The following ITGA9 variants were observed in gnomAD, a reference collection of about 807,000 sequenced individuals.
ITGA9 encodes integrin subunit alpha 9, also known as integrin alpha-9.
Under a neutral mutation model 127.8 loss-of-function variants are expected in ITGA9, and 56 were observed. The ratio of observed to expected loss-of-function variants is 0.44; its 90% CI spans 0.35 to 0.55. The LOEUF is 0.55. Among genes scored for constraint, ITGA9 ranks in the 20% least tolerant of loss-of-function variants. The pLI is 0.00. For synonymous variants in ITGA9, 508 were observed against 514.5 expected (o/e 0.99, Z 0.17); for missense variants, 1,196 against 1,347.1 (o/e 0.89, Z 1.76).
intron 16 of ITGA9, among the ~76,000 whole-genome samples, chr3:37,630,027 A>G (rs558283593): frequency 6.6e-6 from 1 of 152,194 alleles, no homozygotes; most frequent in Non-Finnish European, 1.5e-5. Flanking sequence ...ACCCAAGATC[A>G]CCACAGATTC....
At chr3:37,810,178 C>G (rs1697349562) in intron 27 of ITGA9, among the ~76,000 whole-genome samples, 1 of 152,174 alleles carries the variant, frequency 6.6e-6, no homozygotes, top group South Asian at 2.1e-4. Flanking sequence ...AGGTCCGGAG[C>G]CAAAAGTGGT....
intron 18 of ITGA9, 62 bp from the exon 19 acceptor site, chr3:37,732,650 G>A: frequency 7.8e-7 from 1 of 1,280,824 alleles, no homozygotes; most frequent in South Asian, 1.3e-5. Context: ...GCCCCGTGGA[G>A]CCTGCTCCCA....
chr3:37,693,231 AG>A (rs1273519074), intron 18 of ITGA9, among the ~76,000 whole-genome samples: 4 of 152,196 alleles, frequency 2.6e-5, no homozygotes, highest in African/African-American at 9.7e-5. Context: ...ATAGATGGAT[AG>A]GCCCTAGGTC....
At chr3:37,715,444 C>T (rs1319785786) in intron 18 of ITGA9, among the ~76,000 whole-genome samples, 1 of 152,160 alleles carries the variant, frequency 6.6e-6, no homozygotes, top group Admixed American at 6.5e-5. Context: ...AGTTCCATCC[C>T]CTAGGAATCT....
intron 1 of ITGA9, among the ~76,000 whole-genome samples, chr3:37,461,685 G>A (rs1009012162): frequency 2.0e-5 from 3 of 152,110 alleles, no homozygotes; most frequent in Non-Finnish European, 2.9e-5. Context: ...ATTATGTGTG[G>A]CCTCTAACAT....
rs141899868 is a variant in ITGA9 at position 37,625,625 on chromosome 3, A to T, written c.1690-3562A>T. On this transcript the variant is annotated intron_variant, in intron 15 of 27. Coordinates refer to ENST00000264741, the MANE Select transcript of ITGA9 (RefSeq NM_002207.3). ...TGTAGCGTTATTTTTTTTAAGCAGT[A>T]AAATTTCAGCGACTATGGTCTGTGC... Among the ~76,000 whole-genome samples, 741 of 152,318 alleles carry T rather than the reference A, an allele frequency of 4.9e-3. 2 individuals are homozygous for T. Among genetic ancestry groups the T allele is most frequent in the Admixed American group, 8.4e-3 (129 of 15,308 alleles).
At chr3:37,568,304 G>A (rs61349398) in intron 15 of ITGA9, among the ~76,000 whole-genome samples, 60 of 152,336 alleles carry the variant, frequency 3.9e-4, no homozygotes, top group African/African-American at 1.3e-3. Context: ...AGAGCAGGGG[G>A]ACCCCAGGCC....
At chr3:37,537,172 G>A (rs1699216163) in intron 14 of ITGA9, among the ~76,000 whole-genome samples, 1 of 152,226 alleles carries the variant, frequency 6.6e-6, no homozygotes, top group South Asian at 2.1e-4. Flanking sequence ...GAGGGGGCTG[G>A]TGCTGCTGAT....
chr3:37,510,438 A>G (rs987361688), intron 8 of ITGA9, among the ~76,000 whole-genome samples: 4 of 151,946 alleles, frequency 2.6e-5, no homozygotes, highest in African/African-American at 7.3e-5. Flanking sequence ...GTTAATTCCT[A>G]TTGCCTTCGA....
chr3:37,769,818 A>G (rs573267484), intron 23 of ITGA9, among the ~76,000 whole-genome samples: 15 of 152,298 alleles, frequency 9.8e-5, no homozygotes, highest in Admixed American at 2.6e-4. Flanking sequence ...AAATTTGTAG[A>G]CAAGATTTAT....
intron 23 of ITGA9, among the ~76,000 whole-genome samples, chr3:37,773,525 C>G (rs751086006): frequency 2.6e-5 from 4 of 152,162 alleles, no homozygotes; most frequent in Non-Finnish European, 2.9e-5. Context: ...ACTATATATG[C>G]CTAAATATAG....
At chr3:37,731,821 A>G (rs1051454170) in intron 18 of ITGA9, among the ~76,000 whole-genome samples, 1 of 152,180 alleles carries the variant, frequency 6.6e-6, no homozygotes, top group East Asian at 1.9e-4. Flanking sequence ...GGATAATTTA[A>G]GTAGATATAT....
chr3:37,510,749 A>G (rs1321502461), intron 8 of ITGA9, among the ~76,000 whole-genome samples: 1 of 152,126 alleles, frequency 6.6e-6, no homozygotes, highest in Non-Finnish European at 1.5e-5. Flanking sequence ...CTTCGTAGCC[A>G]TTTGACTTTT....
intron 18 of ITGA9, among the ~76,000 whole-genome samples, chr3:37,720,485 T>C (rs1179700060): frequency 6.6e-6 from 1 of 152,232 alleles, no homozygotes; most frequent in Non-Finnish European, 1.5e-5. Context: ...GGAATTCAAC[T>C]TGAATTCTTA....
At position 37,732,850 on chromosome 3, in the gene ITGA9, A is replaced by G. The variant is rs538804478; in HGVS notation, c.2154+52A>G. On this transcript the variant is annotated intron_variant, in intron 19 of 27. Coordinates refer to ENST00000264741, the MANE Select transcript of ITGA9 (RefSeq NM_002207.3). Reference sequence around the variant, plus strand: ...TCAGCAGCAGGCCCCCAGCCCTTCCACCAGCCACTGATTCCGCCGCCTCCC... The same window carrying G: ...TCAGCAGCAGGCCCCCAGCCCTTCCGCCAGCCACTGATTCCGCCGCCTCCC... The G allele has an allele frequency of 2.2e-5, 30 of 1,375,302 alleles. No individual in the cohort carries two copies. In the South Asian group the frequency reaches 3.3e-4, roughly 15 times the overall value. The allele number at this position is 1,375,302 out of a possible 1,614,324, so 85.2% of individuals were successfully genotyped here.
intron 22 of ITGA9, among the ~76,000 whole-genome samples, chr3:37,747,023 C>T (rs975291288): frequency 5.3e-5 from 8 of 152,196 alleles, no homozygotes; most frequent in Non-Finnish European, 1.5e-5. Flanking sequence ...CACCAAGCAG[C>T]ATGTCATTCC....
chr3:37,617,032 T>A (rs1288534704), intron 15 of ITGA9, among the ~76,000 whole-genome samples: 1 of 152,264 alleles, frequency 6.6e-6, no homozygotes, highest in Non-Finnish European at 1.5e-5. Flanking sequence ...TTTTGCTCAT[T>A]AGTTGATGCA....
intron 7 of ITGA9, among the ~76,000 whole-genome samples, chr3:37,506,550 T>G (rs1698845963): frequency 6.6e-6 from 1 of 152,148 alleles, no homozygotes; most frequent in Non-Finnish European, 1.5e-5. Context: ...GAACATTGGG[T>G]TCCCAAGACT....
intron 15 of ITGA9, among the ~76,000 whole-genome samples, chr3:37,552,217 T>A (rs548918431): frequency 6.6e-6 from 1 of 152,270 alleles, no homozygotes; most frequent in South Asian, 2.1e-4. Flanking sequence ...TAAGGTTTTC[T>A]GAGGGCCCGT....
Sources: gnomAD v4.1 joint callset for allele counts (sites outside exome capture counted in the v4.1 genomes callset) on GRCh38, gnomAD v4.1.1 for gene constraint, MANE v1.5 for transcripts, NCBI Gene and HGNC (gene_info 2026-07-23, HGNC 2026-07-21) for gene names.